Variants in GABPB2 observed in about 807,000 individuals in gnomAD.
GABPB2 encodes GA-binding protein subunit beta-2.
In GABPB2, 23 loss-of-function variants were observed where a neutral mutation model predicts 39.1. That is an observed-to-expected ratio of 0.59 (90% confidence interval 0.42 to 0.83). GABPB2 has a LOEUF of 0.83. Ranked by LOEUF, GABPB2 falls within the 40% of genes least tolerant of loss-of-function variation. The probability of loss-of-function intolerance (pLI) is 0.00; values close to 1 mark genes in which losing one functional copy is unlikely to be tolerated. For synonymous variants in GABPB2, 184 were observed against 199.3 expected (o/e 0.92, Z 0.65); for missense variants, 467 against 541.1 (o/e 0.86, Z 1.36).
At chr1:151,087,634 G>A (rs1428014978) in intron 1 of GABPB2, among the ~76,000 whole-genome samples, 1 of 151,620 alleles carries the variant, frequency 6.6e-6, no homozygotes, top group African/African-American at 2.4e-5. Flanking sequence ...GCAATACAGC[G>A]AGACTTAGTC....
chr1:151,104,873 C>CCT (rs986203949), intron 6 of GABPB2, among the ~76,000 whole-genome samples: 11 of 144,842 alleles, frequency 7.6e-5, no homozygotes, highest in African/African-American at 2.3e-4. Context: ...TCCCTCCCTC[C>CCT]CTCTCTCTCT....
At chr1:151,102,421 A>G (rs1182677463) in intron 5 of GABPB2, among the ~76,000 whole-genome samples, 15 of 152,198 alleles carry the variant, frequency 9.9e-5, no homozygotes, top group Non-Finnish European at 1.2e-4. Context: ...ACCCTTTGAC[A>G]TTCAATATAT....
chr1:151,084,777 G>T (rs1042175750), intron 1 of GABPB2, among the ~76,000 whole-genome samples: 2 of 150,430 alleles, frequency 1.3e-5, no homozygotes, highest in Non-Finnish European at 3.0e-5. Context: ...CTTGTGATCC[G>T]CCCGCCTCTG....
intron 3 of GABPB2, among the ~76,000 whole-genome samples, chr1:151,091,020 A>C (rs1678640960): frequency 6.8e-6 from 1 of 146,500 alleles, no homozygotes; most frequent in South Asian, 2.1e-4. Flanking sequence ...AACAAAACAA[A>C]AAAACAAAAA....
chr1:151,102,150 G>A (rs11204779), intron 5 of GABPB2, among the ~76,000 whole-genome samples: 106,744 of 151,886 alleles, frequency 0.7, 38,742 homozygotes, highest in East Asian at 0.89. Flanking sequence ...GCGAGACCTC[G>A]TCTCTACTAA....
intron 7 of GABPB2, among the ~76,000 whole-genome samples, chr1:151,115,043 A>G (rs1386495110): frequency 1.3e-5 from 2 of 152,186 alleles, no homozygotes; most frequent in Non-Finnish European, 2.9e-5. Context: ...TAAATTTTCT[A>G]TTCTCTGGGA....
chr1:151,116,525 T>C (rs1177423416), intron 7 of GABPB2, among the ~76,000 whole-genome samples: 1 of 152,132 alleles, frequency 6.6e-6, no homozygotes, highest in African/African-American at 2.4e-5. Context: ...GTACAGATAA[T>C]GGCTATTGGC....
At chr1:151,104,790 T>C (rs1003634613) in intron 6 of GABPB2, among the ~76,000 whole-genome samples, 2 of 54,724 alleles carry the variant, frequency 3.7e-5, no homozygotes, top group African/African-American at 1.1e-4. Context: ...TCTTTCTTTC[T>C]TTCTTTCTTT....
intron 8 of GABPB2, among the ~76,000 whole-genome samples, chr1:151,117,729 A>G (rs1461190250): frequency 6.6e-6 from 1 of 152,074 alleles, no homozygotes; most frequent in African/African-American, 2.4e-5. Flanking sequence ...GATTACAGGC[A>G]CCTGCCACCA....
At chr1:151,071,106 G>A (rs1213475430) in intron 1 of GABPB2, among the ~76,000 whole-genome samples, 172 bp downstream of exon 1, 5 of 152,124 alleles carry the variant, frequency 3.3e-5, no homozygotes, top group East Asian at 1.9e-4. Context: ...GGGAGGAAGG[G>A]GATGCTGTCG....
chr1:151,071,374 A>T (rs4970993), intron 1 of GABPB2, among the ~76,000 whole-genome samples: 118,846 of 151,236 alleles, frequency 0.79, 46,905 homozygotes, highest in East Asian at 0.91. Flanking sequence ...TATCTGACCC[A>T]AATAATGACC....
intron 1 of GABPB2, among the ~76,000 whole-genome samples, chr1:151,071,240 G>GGGCCGA (rs896418693): frequency 1.2e-4 from 19 of 152,268 alleles, no homozygotes; most frequent in Admixed American, 1.2e-3. Context: ...CGCGGAGCCG[G>GGGCCGA]GGCCGAGGCC....
At chr1:151,074,355 G>T (rs769600583) in intron 1 of GABPB2, among the ~76,000 whole-genome samples, 4 of 148,436 alleles carry the variant, frequency 2.7e-5, no homozygotes, top group Non-Finnish European at 5.9e-5. Context: ...CTGTCGCCCA[G>T]GCTGGAGTGC....
intron 4 of GABPB2, among the ~76,000 whole-genome samples, chr1:151,094,353 G>A (rs1678944655): frequency 6.7e-6 from 1 of 149,950 alleles, no homozygotes; most frequent in African/African-American, 2.5e-5. Flanking sequence ...TGCCGGCTGT[G>A]TCCCATTAAT....
intron 1 of GABPB2, among the ~76,000 whole-genome samples, chr1:151,078,225 A>C (rs1296119992): frequency 6.7e-6 from 1 of 149,634 alleles, no homozygotes; most frequent in Non-Finnish European, 1.5e-5. Context: ...AGCCGAGATC[A>C]CACCACTGCA....
intron 7 of GABPB2, among the ~76,000 whole-genome samples, chr1:151,116,893 A>G (rs1048782565): frequency 9.2e-5 from 14 of 152,092 alleles, no homozygotes; most frequent in Non-Finnish European, 1.8e-4. Context: ...TATAGGTGTG[A>G]GCCACCTTGC....
chr1:151,085,781 T>C (rs1236756078), intron 1 of GABPB2, among the ~76,000 whole-genome samples: 1 of 152,154 alleles, frequency 6.6e-6, no homozygotes, highest in East Asian at 1.9e-4. Context: ...TGTAACTTAA[T>C]CGTGTAGTGC....
In GABPB2 at chr1:151,088,309, G is replaced by A; in HGVS notation, c.108+12G>A. The stretch of plus-strand genomic sequence containing the variant: ...TCACCACAGACTGGGTAAGCTTAGA[G>A]GAGAGGTCTCTTAATTATTTCCAAT... On this transcript the variant is annotated intron_variant, in intron 2 of 8. Transcript: ENST00000368918. 1 of 1,594,006 alleles carries A rather than the reference G, an allele frequency of 6.3e-7. No homozygotes were observed. The highest frequency in any genetic ancestry group is 1.1e-5 in the South Asian group (1 of 89,976).
At chr1:151,071,395 C>G (rs1292129211) in intron 1 of GABPB2, among the ~76,000 whole-genome samples, 2 of 150,094 alleles carry the variant, frequency 1.3e-5, no homozygotes, top group Non-Finnish European at 3.0e-5. Context: ...TGAAAGATTA[C>G]TAGTGAACTC....
Sources: allele counts gnomAD v4.1 joint callset (sites outside exome capture counted in the v4.1 genomes callset), GRCh38; gene constraint gnomAD v4.1.1; transcripts MANE v1.5; gene names NCBI Gene and HGNC (gene_info 2026-07-23, HGNC 2026-07-21).